Variants in FMNL2 observed in about 807,000 individuals in gnomAD.
The protein encoded by FMNL2 is formin like 2.
Under a neutral mutation model 130.2 loss-of-function variants are expected in FMNL2, and 51 were observed. The observed-to-expected ratio is 0.39, with a 90% confidence interval of 0.31 to 0.49. The LOEUF (loss-of-function observed/expected upper bound fraction) is 0.49, where lower values mean the gene tolerates loss of function less well. FMNL2 is among the 20% of genes least tolerant of loss of function. FMNL2 has a pLI of 0.85. For synonymous variants in FMNL2, 465 were observed against 467.1 expected, an observed-to-expected ratio of 1.00 and a Z score of 0.06; for missense variants, 977 against 1,316.2, an observed-to-expected ratio of 0.74 and a Z score of 3.99.
Position 152,626,535 on chromosome 2 carries a change from T to G in FMNL2, c.1973T>G (p.Val658Gly), listed in dbSNP as rs1366753653. ...DDERILEDLN[V>G]DEFEEIFKTK... ...TCCTCTCTATCTTAGGATTTAAATG[T>G]GGATGAATTTGAGGAAATATTCAAG... The change falls in exon 17 of 26, where the codon GTG becomes GGG. Residue 658 changes from valine to glycine, a missense_variant. By Grantham distance (109) the Val-to-Gly change is moderately radical. Around this residue, in one of 4 missense-constraint regions of FMNL2, gnomAD observed 689 missense variants for 995.9 expected, o/e 0.69. Coordinates refer to ENST00000288670, the MANE Select transcript of FMNL2 (RefSeq NM_052905.4). The G allele has an allele frequency of 2.5e-6, 4 of 1,604,656 alleles. No individual in the cohort carries two copies. Among genetic ancestry groups the G allele is most frequent in the Non-Finnish European group, 3.4e-6 (4 of 1,175,182 alleles).
chr2:152,427,042 T>C lies in FMNL2; in HGVS notation c.117+91322T>C, dbSNP rs575401400. 4.6e-5 allele frequency among the ~76,000 whole-genome samples: 7 copies of C among 152,326 alleles called. No individual in the cohort carries two copies. In the East Asian group the frequency reaches 1.4e-3, roughly 29 times the overall value. On this transcript the variant is annotated intron_variant, in intron 1 of 25. Coordinates refer to ENST00000288670, the MANE Select transcript of FMNL2 (RefSeq NM_052905.4). Reference sequence around the variant, plus strand: ...GTGTTTTTGTTTTACAAAATCCTCTTCCAACTCCTCGTAGGAGAGGATTGT... The same window carrying C: ...GTGTTTTTGTTTTACAAAATCCTCTCCCAACTCCTCGTAGGAGAGGATTGT...
At chr2:152,379,512 C>T (rs1684348675) in intron 1 of FMNL2, among the ~76,000 whole-genome samples, 1 of 152,186 alleles carries the variant, frequency 6.6e-6, no homozygotes. Flanking sequence ...AATGTGGTTA[C>T]TATTCCATTA....
At chr2:152,509,110 A>T (rs1692343267) in intron 1 of FMNL2, among the ~76,000 whole-genome samples, 1 of 152,220 alleles carries the variant, frequency 6.6e-6, no homozygotes, top group Non-Finnish European at 1.5e-5. Flanking sequence ...TACACCTAGA[A>T]TGTACCACTG....
intron 9 of FMNL2, among the ~76,000 whole-genome samples, chr2:152,586,650 C>T (rs1697092495): frequency 6.6e-6 from 1 of 152,176 alleles, no homozygotes; most frequent in Non-Finnish European, 1.5e-5. Flanking sequence ...ACTGTAGGAG[C>T]CACAGCCGTA....
intron 25 of FMNL2, among the ~76,000 whole-genome samples, chr2:152,646,094 G>A (rs1485665631): frequency 3.3e-5 from 5 of 151,460 alleles, no homozygotes; most frequent in African/African-American, 9.7e-5. Context: ...CTGGGAGGCC[G>A]AGGTGGGCAA....
At chr2:152,471,714 G>C (rs1689867094) in intron 1 of FMNL2, among the ~76,000 whole-genome samples, 1 of 152,084 alleles carries the variant, frequency 6.6e-6, no homozygotes. Flanking sequence ...TTGGAGGCCT[G>C]TTACGAGTTC....
At chr2:152,483,063 G>T (rs1260226150) in intron 1 of FMNL2, among the ~76,000 whole-genome samples, 1 of 152,040 alleles carries the variant, frequency 6.6e-6, no homozygotes, top group Non-Finnish European at 1.5e-5. Context: ...AAATTTTTGT[G>T]TATCAGCTGT....
At chr2:152,482,085 C>T (rs936406491) in intron 1 of FMNL2, among the ~76,000 whole-genome samples, 3 of 152,188 alleles carry the variant, frequency 2.0e-5, no homozygotes, top group Non-Finnish European at 2.9e-5. Context: ...ACCCAGGAGG[C>T]AGCAGTCTTA....
rs766641500 is a variant in FMNL2, at chr2:152,625,427, G to C, written c.1838-11G>C. ...GTGGGATCTTAATTCCATTCTCTTT[G>C]ATGTCTTTAGCTGTGAAAATTAAGA... On this transcript the variant is annotated splice_polypyrimidine_tract_variant and intron_variant, in intron 15 of 25. Transcript: ENST00000288670. 18 of 1,600,710 alleles carry C rather than the reference G, an allele frequency of 1.1e-5. No individual in the cohort carries two copies. The highest frequency in any genetic ancestry group is 1.5e-5 in the Non-Finnish European group (18 of 1,169,336).
chr2:152,417,190 CT>C lies in FMNL2; in HGVS notation c.117+81472del, dbSNP rs1435099345. Among the ~76,000 whole-genome samples, 3 of 152,280 alleles carry C rather than the reference CT, an allele frequency of 2.0e-5. No homozygotes were observed. The East Asian group carries it at 5.8e-4, about 29-fold the overall frequency. On this transcript the variant is annotated intron_variant, in intron 1 of 25. Transcript: ENST00000288670. Reference sequence around the variant, plus strand: ...TTCAAATCTGACATGTGCAAAGTTCCTTAAGCTAATTAGAAAATACACACAT... The same window carrying C: ...TTCAAATCTGACATGTGCAAAGTTCCTAAGCTAATTAGAAAATACACACAT...
Position 152,336,089 on chromosome 2 carries a change from A to AG in FMNL2, c.117+369_117+370insG, listed in dbSNP as rs1560275227. Among the ~76,000 whole-genome samples, 369 of 102,216 alleles carry AG rather than the reference A, an allele frequency of 3.6e-3. 3 individuals are homozygous for AG. The highest frequency in any genetic ancestry group is 0.014 in the African/African-American group (361 of 25,330). 67.1% of individuals were successfully genotyped at this position (102,216 alleles called of 152,430 possible). A position where few individuals can be genotyped will look rare whatever the true frequency, so the allele number is the denominator to read the frequency against. On this transcript the variant is annotated intron_variant, in intron 1 of 25. Coordinates refer to ENST00000288670, the MANE Select transcript of FMNL2 (RefSeq NM_052905.4). ...GGCGAGCCGCTTAGGCTTTTTTTTT[A>AG]AAAAAAACAAAACAAAACAAAACAA...
chr2:152,406,133 A>G (rs1238806264), intron 1 of FMNL2, among the ~76,000 whole-genome samples: 1 of 136,162 alleles, frequency 7.3e-6, no homozygotes, highest in Non-Finnish European at 1.6e-5. Flanking sequence ...CTATGTCTAT[A>G]AGTGTATGCT....
chr2:152,647,229 T>C (rs1006236187), intron 25 of FMNL2, among the ~76,000 whole-genome samples: 30 of 152,164 alleles, frequency 2.0e-4, no homozygotes, highest in Non-Finnish European at 1.0e-4. Flanking sequence ...TAGATTATTA[T>C]TTTGGTTTAG....
At chr2:152,625,699 T>C in intron 16 of FMNL2, 137 bp downstream of exon 16, 1 of 1,019,636 alleles carries the variant, frequency 9.8e-7, no homozygotes, top group South Asian at 2.1e-5. Context: ...AACATGTATG[T>C]AATATTGGAG....
intron 1 of FMNL2, among the ~76,000 whole-genome samples, chr2:152,408,640 A>G (rs1437938059): frequency 1.3e-5 from 2 of 152,224 alleles, no homozygotes; most frequent in African/African-American, 4.8e-5. Flanking sequence ...TTGTAAGTCA[A>G]AAATGCATTT....
chr2:152,572,794 GT>G (rs539896493), intron 6 of FMNL2, among the ~76,000 whole-genome samples: 9,055 of 137,828 alleles, frequency 0.066, 767 homozygotes, highest in African/African-American at 0.2. Context: ...TTCAAAACCT[GT>G]TTTTTTTTTT....
At chr2:152,616,045 A>C (rs1443915778) in intron 12 of FMNL2, among the ~76,000 whole-genome samples, 1 of 152,294 alleles carries the variant, frequency 6.6e-6, no homozygotes, top group African/African-American at 2.4e-5. Context: ...GATTTGTGTT[A>C]TATGCTGAAC....
At chr2:152,561,136 A>G in intron 6 of FMNL2, 101 bp downstream of exon 6, 1 of 1,235,830 alleles carries the variant, frequency 8.1e-7, no homozygotes, top group Non-Finnish European at 1.1e-6. Flanking sequence ...ATAAATTGCC[A>G]TACAGCACTT....
chr2:152,487,404 A>G (rs1344529584), intron 1 of FMNL2, among the ~76,000 whole-genome samples: 2 of 152,258 alleles, frequency 1.3e-5, no homozygotes, highest in Non-Finnish European at 2.9e-5. Flanking sequence ...AATTCCATCT[A>G]AAAGATAAAA....
Sources: gnomAD v4.1 joint callset for allele counts (sites outside exome capture counted in the v4.1 genomes callset) on GRCh38, gnomAD v4.1.1 for gene constraint, gnomAD v4.1.1 regional missense constraint, MANE v1.5 for transcripts, NCBI Gene and HGNC (gene_info 2026-07-23, HGNC 2026-07-21) for gene names.